LRRFIP1: variants seen among roughly 807,000 people sequenced by gnomAD.
The protein encoded by LRRFIP1 is leucine-rich repeat flightless-interacting protein 1.
LRRFIP1 carries 62 observed loss-of-function variants against 104.4 expected under a neutral mutation model. That is an observed-to-expected ratio of 0.59 (90% CI 0.48 to 0.73). The LOEUF is 0.73. Among genes scored for constraint, LRRFIP1 ranks in the 30% least tolerant of loss-of-function variants. LRRFIP1 has a pLI of 0.00. For synonymous variants in LRRFIP1, 300 were observed against 299.0 expected, an observed-to-expected ratio of 1.00 and a Z score of -0.03; for missense variants, 796 against 824.5, an observed-to-expected ratio of 0.97 and a Z score of 0.42.
chr2:237,694,757 C>A (rs2093052057), intron 1 of LRRFIP1, among the ~76,000 whole-genome samples: 1 of 152,192 alleles, frequency 6.6e-6, no homozygotes, highest in Admixed American at 6.5e-5. Context: ...AAGTGGGCAC[C>A]AGCCCTGGAG....
intron 1 of LRRFIP1, among the ~76,000 whole-genome samples, chr2:237,685,672 C>A (rs117842317): frequency 5.3e-5 from 8 of 152,168 alleles, no homozygotes; most frequent in Non-Finnish European, 1.2e-4. Flanking sequence ...CTCCCCTCCC[C>A]GCTCCCCACA....
chr2:237,713,545 C>A (rs370975132), intron 2 of LRRFIP1, among the ~76,000 whole-genome samples: 1 of 152,134 alleles, frequency 6.6e-6, no homozygotes, highest in African/African-American at 2.4e-5. Flanking sequence ...TGTGTTCCCC[C>A]ATATAAGACT....
intron 1 of LRRFIP1, among the ~76,000 whole-genome samples, chr2:237,688,447 T>C (rs867135843): frequency 2.2e-5 from 2 of 92,746 alleles, no homozygotes; most frequent in East Asian, 3.3e-4. Context: ...CCCCCTTTTT[T>C]TTTTTTTTCT....
chr2:237,752,982 G>A (rs1366864507), intron 14 of LRRFIP1, among the ~76,000 whole-genome samples: 1 of 152,198 alleles, frequency 6.6e-6, no homozygotes, highest in Non-Finnish European at 1.5e-5. Context: ...AGGACGCCGT[G>A]CTGGGGGGAT....
chr2:237,721,920 G>T (rs772021093), intron 6 of LRRFIP1: 1 of 152,224 alleles, frequency 6.6e-6, no homozygotes, highest in Non-Finnish European at 1.5e-5. Flanking sequence ...TGTTGTAACC[G>T]TTACCTCGGG....
chr2:237,720,655 C>T, intron 5 of LRRFIP1, 117 bp from the exon 6 acceptor site: 1 of 819,868 alleles, frequency 1.2e-6, no homozygotes, highest in South Asian at 1.4e-5. Context: ...GGGTGGCTGG[C>T]CCCCTCACTG....
chr2:237,762,642 C>T lies in LRRFIP1; in HGVS notation c.1459+2437C>T, dbSNP rs369652410. 12 of 1,608,086 alleles carry T rather than the reference C, an allele frequency of 7.5e-6. No homozygotes were observed. The highest frequency in any genetic ancestry group is 4.4e-5 in the South Asian group (4 of 90,404). ...GTGGAGGTGAAAAATGAAATCGTGG[C>T]GAATGTGGGGAAAAGAGAAATCTTG... On this transcript the variant is annotated intron_variant, in intron 19 of 23. Transcript: ENST00000308482.
At chr2:237,664,392 G>C (rs1417774295) in intron 1 of LRRFIP1, among the ~76,000 whole-genome samples, 2 of 152,262 alleles carry the variant, frequency 1.3e-5, no homozygotes, top group Admixed American at 6.5e-5. Flanking sequence ...TGACTGGACT[G>C]AGGTCCATCA....
At chr2:237,679,404 G>A (rs570171631) in intron 1 of LRRFIP1, among the ~76,000 whole-genome samples, 11 of 152,244 alleles carry the variant, frequency 7.2e-5, no homozygotes, top group East Asian at 1.9e-4. Flanking sequence ...AGCAATAACC[G>A]TAAAATGATG....
chr2:237,656,784 A>C (rs1050175376), intron 1 of LRRFIP1, among the ~76,000 whole-genome samples: 1 of 152,248 alleles, frequency 6.6e-6, no homozygotes, highest in African/African-American at 2.4e-5. Flanking sequence ...ACAAAAATTA[A>C]ATGTGCCTTG....
At chr2:237,745,703 C>G (rs2057753863) in intron 11 of LRRFIP1, among the ~76,000 whole-genome samples, 1 of 152,094 alleles carries the variant, frequency 6.6e-6, no homozygotes. Context: ...TTTACGGTCT[C>G]AGATATCTTT....
In LRRFIP1 at chr2:237,756,024, CGTG is replaced by C. The variant is rs2059229463; in HGVS notation, c.1039-70_1039-68del. On this transcript the variant is annotated intron_variant, in intron 15 of 23. Transcript: ENST00000308482. ...GATTTGTTCCACAGAAACTATAAAT[CGTG>C]AGAGCCTGAACTGGCATGCCAGAAA... 9.7e-6 allele frequency: 9 copies of C among 926,434 alleles called. No individual in the cohort carries two copies. The South Asian group carries it at 1.3e-4, about 13-fold the overall frequency. The allele number at this position is 926,434 out of a possible 1,614,324, so 57.4% of individuals were successfully genotyped here. A position where few individuals can be genotyped will look rare whatever the true frequency, so the allele number is the denominator to read the frequency against.
chr2:237,747,426 G>A (rs2058021500), intron 11 of LRRFIP1, among the ~76,000 whole-genome samples: 1 of 152,182 alleles, frequency 6.6e-6, no homozygotes, highest in Non-Finnish European at 1.5e-5. Context: ...GTCATTTGGA[G>A]GTCACCATCT....
At chr2:237,702,577 G>A (rs777356379) in intron 1 of LRRFIP1, among the ~76,000 whole-genome samples, 9 of 152,214 alleles carry the variant, frequency 5.9e-5, no homozygotes, top group African/African-American at 1.9e-4. Context: ...TGGGGGCAGC[G>A]CTGCAAAACC....
intron 19 of LRRFIP1, chr2:237,763,897 G>A (rs1394608187): frequency 2.5e-6 from 4 of 1,614,242 alleles, no homozygotes; most frequent in East Asian, 2.2e-5. Flanking sequence ...GCTGCACCCT[G>A]CCCGAACATG....
rs1452204609 is a variant in LRRFIP1 at position 237,719,556 on chromosome 2, A to G, written c.283A>G (p.Arg95Gly). The change falls in exon 5 of 24, where the codon AGA becomes GGA. Residue 95 changes from arginine to glycine, a missense_variant. Physicochemically the swap from Arg to Gly is moderately radical, Grantham distance 125 (BLOSUM62 -2). Transcript: ENST00000308482. ...DSERYSRRSR[R>G]NTSASDEDER... is the part of the protein sequence containing the mutation. ...TGAGCGCTACTCTCGTAGATCCAGAAGAAACACATCGGTTAGTACCGTGTT... is the reference window on the plus strand; with the variant it reads ...TGAGCGCTACTCTCGTAGATCCAGAGGAAACACATCGGTTAGTACCGTGTT... 2 of 1,613,514 alleles carry G rather than the reference A, an allele frequency of 1.2e-6. No individual in the cohort carries two copies. The highest frequency in any genetic ancestry group is 1.7e-6 in the Non-Finnish European group (2 of 1,179,562).
chr2:237,737,634 A>G (rs769690143), intron 10 of LRRFIP1, among the ~76,000 whole-genome samples: 140 of 152,352 alleles, frequency 9.2e-4, no homozygotes, highest in Non-Finnish European at 1.6e-3. Context: ...GATTTGCTGC[A>G]GGATGAAGTT....
chr2:237,674,540 T>C (rs946213523), intron 1 of LRRFIP1, among the ~76,000 whole-genome samples: 3 of 152,248 alleles, frequency 2.0e-5, no homozygotes, highest in Non-Finnish European at 2.9e-5. Context: ...TGGTCAATTA[T>C]GTGACTTTCA....
intron 1 of LRRFIP1, among the ~76,000 whole-genome samples, chr2:237,688,043 C>CT (rs1359393071): frequency 6.6e-6 from 1 of 152,182 alleles, no homozygotes; most frequent in Admixed American, 6.5e-5. Context: ...TGCTACTGGC[C>CT]TTTCGTTCTT....
Sources: gnomAD v4.1 joint callset for allele counts (sites outside exome capture counted in the v4.1 genomes callset) on GRCh38, gnomAD v4.1.1 for gene constraint, MANE v1.5 for transcripts, NCBI Gene and HGNC (gene_info 2026-07-23, HGNC 2026-07-21) for gene names.